Variants in WWC1 observed in about 807,000 individuals in gnomAD.
WWC1 encodes protein KIBRA.
WWC1 carries 55 observed loss-of-function variants against 138.4 expected under a neutral mutation model. The observed-to-expected ratio is 0.40, with a 90% CI of 0.32 to 0.50. The LOEUF (loss-of-function observed/expected upper bound fraction) is 0.50, where lower values mean the gene tolerates loss of function less well. WWC1 is among the 20% of genes least tolerant of loss of function. WWC1 has a pLI of 0.72. For synonymous variants in WWC1, 524 were observed against 564.9 expected, an observed-to-expected ratio of 0.93 and a Z score of 1.03; for missense variants, 1,226 against 1,420.4, an observed-to-expected ratio of 0.86 and a Z score of 2.20.
intron 5 of WWC1, among the ~76,000 whole-genome samples, chr5:168,402,953 A>T (rs1389752810): frequency 6.6e-6 from 1 of 151,820 alleles, no homozygotes; most frequent in Non-Finnish European, 1.5e-5. Flanking sequence ...GACCACATGT[A>T]ATTTCCCCTA....
At chr5:168,300,904 G>T (rs1330492336) in intron 1 of WWC1, among the ~76,000 whole-genome samples, 2 of 152,192 alleles carry the variant, frequency 1.3e-5, no homozygotes, top group Non-Finnish European at 2.9e-5. Context: ...GATGACCCTG[G>T]GACAGCCTTC....
At chr5:168,458,879 A>G (rs191678055) in intron 19 of WWC1, among the ~76,000 whole-genome samples, 5 of 152,206 alleles carry the variant, frequency 3.3e-5, no homozygotes, top group Non-Finnish European at 7.3e-5. Flanking sequence ...AACAACTACA[A>G]CTTAAGGATC....
chr5:168,443,551 C>T (rs1044377579), intron 16 of WWC1, among the ~76,000 whole-genome samples: 1 of 152,204 alleles, frequency 6.6e-6, no homozygotes, highest in Admixed American at 6.5e-5. Flanking sequence ...TAGAGCATGA[C>T]CTTGAGTAAG....
chr5:168,347,961 C>T (rs1038202402), intron 1 of WWC1, among the ~76,000 whole-genome samples: 2 of 152,134 alleles, frequency 1.3e-5, no homozygotes, highest in African/African-American at 2.4e-5. Flanking sequence ...GGGATCTGCC[C>T]TGTTGGAAGG....
intron 16 of WWC1, among the ~76,000 whole-genome samples, 194 bp from the exon 17 acceptor site, chr5:168,444,300 G>T (rs1402110934): frequency 6.6e-6 from 1 of 152,248 alleles, no homozygotes; most frequent in Non-Finnish European, 1.5e-5. Context: ...ATTCTCTGGA[G>T]AACTGCTAGT....
intron 2 of WWC1, among the ~76,000 whole-genome samples, chr5:168,380,655 C>T (rs1281706062): frequency 6.6e-6 from 1 of 152,096 alleles, no homozygotes; most frequent in Non-Finnish European, 1.5e-5. Flanking sequence ...GAAGTATAAT[C>T]CAGCAATTCT....
At position 168,351,497 on chromosome 5, in the gene WWC1, G is replaced by A. The variant is rs760602494; in HGVS notation, c.120-19927G>A. 8.1e-4 allele frequency among the ~76,000 whole-genome samples: 124 copies of A among 152,268 alleles called. 1 individual carries two copies. Among genetic ancestry groups the A allele is most frequent in the African/African-American group, 2.9e-3 (119 of 41,558 alleles). On this transcript the variant is annotated intron_variant, in intron 1 of 22. Transcript: ENST00000265293. ...TTGTCTCGAAGCGACTTCCACTCTA[G>A]GAGGCGAGAGAAGAGCAGGATACAA...
chr5:168,465,652 G>C (rs1757231384), intron 21 of WWC1, among the ~76,000 whole-genome samples: 1 of 138,618 alleles, frequency 7.2e-6, no homozygotes, highest in African/African-American at 2.8e-5. Context: ...CACCTCCCAG[G>C]CTCTAATTGA....
chr5:168,408,436 C>T, intron 6 of WWC1, 71 bp from the exon 7 acceptor site: 2 of 1,553,536 alleles, frequency 1.3e-6, no homozygotes, highest in Non-Finnish European at 1.8e-6. Context: ...GAGGGAAGCA[C>T]AGGGAGCGTG....
chr5:168,306,458 T>C (rs13360333), intron 1 of WWC1, among the ~76,000 whole-genome samples: 1,925 of 152,356 alleles, frequency 0.013, 33 homozygotes, highest in African/African-American at 0.041. Context: ...ATTTCCCCTC[T>C]TCTATGCCTA....
chr5:168,403,375 G>A (rs1353864534), intron 5 of WWC1, among the ~76,000 whole-genome samples: 2 of 152,144 alleles, frequency 1.3e-5, no homozygotes, highest in African/African-American at 4.8e-5. Context: ...GGGATTACAG[G>A]TGTGAGCCAC....
intron 3 of WWC1, among the ~76,000 whole-genome samples, chr5:168,395,752 T>A (rs930465047): frequency 3.9e-5 from 6 of 152,200 alleles, no homozygotes; most frequent in African/African-American, 1.4e-4. Context: ...CACTCATCTC[T>A]TCTGGTAAAC....
chr5:168,447,567 A>AT (rs1263364041), intron 17 of WWC1, among the ~76,000 whole-genome samples: 1 of 152,148 alleles, frequency 6.6e-6, no homozygotes, highest in Non-Finnish European at 1.5e-5. Context: ...ATTTTAAAAT[A>AT]TAAAAACCAT....
intron 17 of WWC1, among the ~76,000 whole-genome samples, chr5:168,446,395 CT>C (rs1172086185): frequency 6.6e-6 from 1 of 152,202 alleles, no homozygotes; most frequent in East Asian, 1.9e-4. Flanking sequence ...TATTTAATTC[CT>C]TGTATTATGA....
At chr5:168,449,630 A>G (rs891573856) in intron 17 of WWC1, among the ~76,000 whole-genome samples, 3 of 139,142 alleles carry the variant, frequency 2.2e-5, no homozygotes, top group African/African-American at 8.1e-5. Flanking sequence ...CTAGAGTGCA[A>G]TGGTGCGATC....
intron 1 of WWC1, among the ~76,000 whole-genome samples, chr5:168,365,941 G>A (rs1423769317): frequency 6.6e-6 from 1 of 152,236 alleles, no homozygotes; most frequent in East Asian, 1.9e-4. Flanking sequence ...AGCAGGGACC[G>A]ACTGAACCAG....
intron 1 of WWC1, among the ~76,000 whole-genome samples, chr5:168,302,302 C>CA (rs1429030603): frequency 1.3e-5 from 2 of 152,166 alleles, no homozygotes; most frequent in African/African-American, 2.4e-5. Context: ...ATTCACTCAG[C>CA]AGGTATTTAT....
At position 168,408,547 on chromosome 5, in the gene WWC1, G is replaced by T; in HGVS notation, c.761G>T (p.Gly254Val). ...AAGGACGGCTTCCGCACTGACAGGG[G>T]GTCTCACTCAGACCTGTGGTCCAGC... The part of the protein sequence containing the change: ...MLKDGFRTDR[G>V]SHSDLWSSSS... The change falls in exon 7 of 23, where the codon GGG becomes GTG. Residue 254 changes from glycine to valine, a missense_variant. Gly to Val is a moderately radical substitution (Grantham distance 109). This residue lies in a region of WWC1 where 1,016 missense variants were observed against 1,153.9 expected (regional missense o/e 0.88). Coordinates refer to ENST00000265293, the MANE Select transcript of WWC1 (RefSeq NM_015238.3). 6.2e-7 allele frequency: 1 copy of T among 1,614,122 alleles called. No homozygotes were observed. Among genetic ancestry groups the T allele is most frequent in the Non-Finnish European group, 8.5e-7 (1 of 1,180,008 alleles).
intron 22 of WWC1, 30 bp downstream of exon 22, chr5:168,467,994 C>T: frequency 6.2e-7 from 1 of 1,613,028 alleles, no homozygotes; most frequent in Non-Finnish European, 8.5e-7. Context: ...AGCCCCCCAT[C>T]CCTTTCTCAG....
Sources: allele counts gnomAD v4.1 joint callset (sites outside exome capture counted in the v4.1 genomes callset), GRCh38; gene constraint gnomAD v4.1.1; regional missense constraint gnomAD v4.1.1; transcripts MANE v1.5; gene names NCBI Gene and HGNC (gene_info 2026-07-23, HGNC 2026-07-21).